Variants in OSBPL10 observed in about 807,000 individuals in gnomAD.
The protein encoded by OSBPL10 is oxysterol-binding protein-related protein 10.
In OSBPL10, 49 loss-of-function variants were observed where a neutral mutation model predicts 81.7. The ratio of observed to expected loss-of-function variants is 0.60; its 90% CI spans 0.48 to 0.76. The LOEUF is 0.76. OSBPL10 is among the 30% of genes least tolerant of loss of function. The pLI, the probability that OSBPL10 is intolerant of heterozygous loss-of-function variation, is 0.00. For synonymous variants in OSBPL10, 419 were observed against 383.6 expected (o/e 1.09, Z -1.08); for missense variants, 923 against 987.8 (o/e 0.93, Z 0.88).
chr3:32,042,971 T>G (rs184151812), intron 2 of OSBPL10, among the ~76,000 whole-genome samples: 1 of 152,280 alleles, frequency 6.6e-6, no homozygotes, highest in Non-Finnish European at 1.5e-5. Context: ...GCAAGTATTG[T>G]CTTGATAAAC....
chr3:31,931,567 C>T (rs1236996847), intron 1 of OSBPL10, among the ~76,000 whole-genome samples: 6 of 152,190 alleles, frequency 3.9e-5, no homozygotes, highest in East Asian at 3.8e-4. Context: ...CAGAATGCCA[C>T]GCTCCTTGTC....
intron 4 of OSBPL10, among the ~76,000 whole-genome samples, chr3:31,758,604 G>A (rs530411292): frequency 3.3e-5 from 5 of 152,310 alleles, no homozygotes; most frequent in Admixed American, 6.5e-5. Context: ...CACTGACCAC[G>A]AGAGTGGTTC....
intron 5 of OSBPL10, among the ~76,000 whole-genome samples, chr3:31,733,633 C>T (rs1697044383): frequency 6.7e-6 from 1 of 149,742 alleles, no homozygotes; most frequent in Non-Finnish European, 1.5e-5. Flanking sequence ...GGCTGTTTCA[C>T]TCCCCAACAG....
At chr3:31,937,985 C>T (rs984231545) in intron 1 of OSBPL10, among the ~76,000 whole-genome samples, 1 of 152,176 alleles carries the variant, frequency 6.6e-6, no homozygotes, top group Non-Finnish European at 1.5e-5. Context: ...TAACCTCCTT[C>T]TTGGTGTTAC....
At chr3:31,687,895 A>AT (rs1343624626) in intron 7 of OSBPL10, among the ~76,000 whole-genome samples, 2 of 19,468 alleles carry the variant, frequency 1.0e-4, no homozygotes, top group Non-Finnish European at 2.8e-4. Flanking sequence ...ATCACTACAA[A>AT]TAATAATAAT....
rs57256301 is a variant in OSBPL10, at chr3:31,930,003, C to CAAAAAAAAAAAA, written c.282-50185_282-50174dup. Among the ~76,000 whole-genome samples, 42 of 72,566 alleles carry CAAAAAAAAAAAA rather than the reference C, an allele frequency of 5.8e-4. 6 individuals carry two copies. The highest frequency in any genetic ancestry group is 2.1e-3 in the African/African-American group (39 of 18,748). 47.6% of individuals were successfully genotyped at this position (72,566 alleles called of 152,430 possible). A position where few individuals can be genotyped will look rare whatever the true frequency, so the allele number is the denominator to read the frequency against. ...GATCAAGTGAGACCCTGTCACCAACCAAAAAAAAAAAAAAAAAAAAAAACA... is the reference window on the plus strand; with the variant it reads ...GATCAAGTGAGACCCTGTCACCAACCAAAAAAAAAAAAAAAAAAAAAAAAAAAAAAAAAAACA... On this transcript the variant is annotated intron_variant, in intron 1 of 11. Coordinates refer to ENST00000396556, the MANE Select transcript of OSBPL10 (RefSeq NM_017784.5).
chr3:31,811,458 G>T (rs1016026859), intron 4 of OSBPL10, among the ~76,000 whole-genome samples: 1 of 152,228 alleles, frequency 6.6e-6, no homozygotes, highest in Non-Finnish European at 1.5e-5. Context: ...ATTGCCTGGG[G>T]TGGGACCTAA....
At chr3:31,961,137 A>G (rs1311057994) in intron 1 of OSBPL10, among the ~76,000 whole-genome samples, 2 of 147,072 alleles carry the variant, frequency 1.4e-5, no homozygotes, top group African/African-American at 2.5e-5. Flanking sequence ...GAATGAAGCT[A>G]TTCTATAACA....
At chr3:31,973,971 C>T (rs1351410307) in intron 1 of OSBPL10, among the ~76,000 whole-genome samples, 1 of 152,198 alleles carries the variant, frequency 6.6e-6, no homozygotes, top group Non-Finnish European at 1.5e-5. Context: ...GGTATATCCA[C>T]AGGACATAAT....
intron 2 of OSBPL10, among the ~76,000 whole-genome samples, chr3:32,028,548 T>C (rs1196329524): frequency 1.3e-5 from 2 of 152,190 alleles, no homozygotes; most frequent in Non-Finnish European, 2.9e-5. Context: ...TACATACACA[T>C]ATACACACAC....
At chr3:31,750,500 T>A (rs1347085587) in intron 4 of OSBPL10, among the ~76,000 whole-genome samples, 2 of 152,206 alleles carry the variant, frequency 1.3e-5, no homozygotes, top group African/African-American at 2.4e-5. Flanking sequence ...TAGTAACAGA[T>A]AATACCTCCA....
At chr3:32,055,471 C>T (rs1699702741) in intron 1 of OSBPL10, among the ~76,000 whole-genome samples, 1 of 152,094 alleles carries the variant, frequency 6.6e-6, no homozygotes, top group African/African-American at 2.4e-5. Context: ...GCTGGGATTA[C>T]AGGCATGAGC....
Position 31,663,611 on chromosome 3 carries a change from C to T in OSBPL10, c.2250+468G>A, listed in dbSNP as rs531549364. Reference sequence around the variant, plus strand: ...GCTGGCCTTCCCCTGCATGACTAGCCCTTGTGGCCCACAGGAGGCAAAGCT... The same window carrying T: ...GCTGGCCTTCCCCTGCATGACTAGCTCTTGTGGCCCACAGGAGGCAAAGCT... On this transcript the variant is annotated intron_variant, in intron 11 of 11. Coordinates refer to ENST00000396556, the MANE Select transcript of OSBPL10 (RefSeq NM_017784.5). 1.2e-5 allele frequency: 12 copies of T among 1,036,098 alleles called. No individual in the cohort carries two copies. The South Asian group carries it at 3.7e-4, about 32-fold the overall frequency. 64.2% of individuals were successfully genotyped at this position (1,036,098 alleles called of 1,614,324 possible).
chr3:32,001,423 C>T (rs1291829937), intron 2 of OSBPL10, among the ~76,000 whole-genome samples: 3 of 152,094 alleles, frequency 2.0e-5, no homozygotes, highest in African/African-American at 7.2e-5. Context: ...AAGCATTTTA[C>T]ATCTATTATT....
chr3:31,761,655 A>T (rs1358837711), intron 4 of OSBPL10, among the ~76,000 whole-genome samples: 1 of 151,366 alleles, frequency 6.6e-6, no homozygotes, highest in East Asian at 1.9e-4. Context: ...CATCTCTACT[A>T]AAAATACAAA....
intron 4 of OSBPL10, among the ~76,000 whole-genome samples, chr3:31,760,947 A>T (rs994004107): frequency 2.6e-5 from 4 of 152,154 alleles, no homozygotes; most frequent in African/African-American, 4.8e-5. Context: ...TTGTGAAAAT[A>T]AACTTCTAGA....
chr3:31,722,447 C>T (rs1194406550), intron 6 of OSBPL10, among the ~76,000 whole-genome samples: 1 of 152,038 alleles, frequency 6.6e-6, no homozygotes, highest in Non-Finnish European at 1.5e-5. Context: ...AGGATTTTCC[C>T]ATTATGGGAA....
At chr3:31,878,303 G>A (rs1701529842) in intron 2 of OSBPL10, among the ~76,000 whole-genome samples, 1 of 152,164 alleles carries the variant, frequency 6.6e-6, no homozygotes, top group Non-Finnish European at 1.5e-5. Flanking sequence ...GGTGGAAAGT[G>A]CCATTACGTT....
intron 11 of OSBPL10, chr3:31,663,798 G>C: frequency 1.5e-5 from 20 of 1,348,916 alleles, no homozygotes; most frequent in Non-Finnish European, 1.9e-5. Flanking sequence ...GTCCCATCGC[G>C]ATCCCTCACA....
Sources: allele counts gnomAD v4.1 joint callset (sites outside exome capture counted in the v4.1 genomes callset), GRCh38; gene constraint gnomAD v4.1.1; transcripts MANE v1.5; gene names NCBI Gene and HGNC (gene_info 2026-07-23, HGNC 2026-07-21).